The following DNAJB12 variants were observed in gnomAD, a reference collection of about 807,000 sequenced individuals.
DNAJB12 encodes the protein dnaJ homolog subfamily B member 12.
DNAJB12 carries 14 observed loss-of-function variants against 40.6 expected under a neutral mutation model. The observed-to-expected ratio is 0.34, with a 90% confidence interval of 0.23 to 0.54. The LOEUF (loss-of-function observed/expected upper bound fraction) is 0.54, where lower values mean the gene tolerates loss of function less well. Among genes scored for constraint, DNAJB12 ranks in the 20% least tolerant of loss-of-function variants. DNAJB12 has a pLI of 0.92. For synonymous variants in DNAJB12, 181 were observed against 199.5 expected (o/e 0.91, Z 0.78); for missense variants, 444 against 501.7 (o/e 0.89, Z 1.10).
chr10:72,334,758 C>T, intron 8 of DNAJB12, 141 bp from the exon 9 acceptor site: 1 of 1,401,898 alleles, frequency 7.1e-7, no homozygotes, highest in Non-Finnish European at 9.2e-7. Flanking sequence ...CACTTGCGGC[C>T]TGCCCTCCTG....
intron 1 of DNAJB12, among the ~76,000 whole-genome samples, chr10:72,347,832 G>C: frequency 6.6e-6 from 1 of 151,230 alleles, no homozygotes; most frequent in Non-Finnish European, 1.5e-5. Context: ...AGGATGGCTT[G>C]AATCTGGGAG....
At chr10:72,337,656 A>G (rs1403790473) in intron 6 of DNAJB12, among the ~76,000 whole-genome samples, 2 of 152,226 alleles carry the variant, frequency 1.3e-5, no homozygotes, top group Non-Finnish European at 2.9e-5. Flanking sequence ...CCAAGGTTAT[A>G]TAACTTGTTT....
chr10:72,343,525 A>G lies in DNAJB12; in HGVS notation c.312-14T>C. 1.2e-6 allele frequency: 2 copies of G among 1,613,848 alleles called. No individual in the cohort carries two copies. The highest frequency in any genetic ancestry group is 1.7e-6 in the Non-Finnish European group (2 of 1,179,920). The stretch of plus-strand genomic sequence containing the variant: ...CATTGCTTGACCCTGGGGAAGGAGG[A>G]GACCATGGTACGGGGTGCTCTACAT... On this transcript the variant is annotated splice_polypyrimidine_tract_variant and intron_variant, in intron 2 of 8. Transcript: ENST00000444643.
chr10:72,346,974 T>TC (rs901161650), intron 1 of DNAJB12, among the ~76,000 whole-genome samples: 1 of 152,064 alleles, frequency 6.6e-6, no homozygotes, highest in Non-Finnish European at 1.5e-5. Flanking sequence ...TTTTTTTTTT[T>TC]TCTTTTTTGA....
chr10:72,351,760 A>G (rs1417629400), intron 1 of DNAJB12, among the ~76,000 whole-genome samples: 2 of 152,224 alleles, frequency 1.3e-5, no homozygotes, highest in Admixed American at 1.3e-4. Context: ...AGCCATGCAC[A>G]ACTCCAGTGA....
chr10:72,354,653 C>G, intron 1 of DNAJB12, 112 bp downstream of exon 1: 1 of 1,043,530 alleles, frequency 9.6e-7, no homozygotes, highest in South Asian at 1.6e-5. Flanking sequence ...AGTGCGCAGG[C>G]GTAGCCGCGC....
At chr10:72,348,521 T>C (rs1019519557) in intron 1 of DNAJB12, among the ~76,000 whole-genome samples, 40 of 152,244 alleles carry the variant, frequency 2.6e-4, no homozygotes, top group African/African-American at 9.2e-4. Context: ...GAAGACGCCA[T>C]GCTGGGTGCC....
chr10:72,353,029 G>A (rs979087100), intron 1 of DNAJB12, among the ~76,000 whole-genome samples: 6 of 152,200 alleles, frequency 3.9e-5, no homozygotes, highest in Non-Finnish European at 5.9e-5. Flanking sequence ...AAGTTTACAC[G>A]GATGCATAAG....
At position 72,341,000 on chromosome 10, in the gene DNAJB12, C is replaced by T. The variant is rs777469200; in HGVS notation, c.628G>A (p.Gly210Ser). ...GGGAACTTACTAGAAGGGAAGCCGC[C>T]GCCAAAGAACATGTTGAAGAGGTCT... is the stretch of plus-strand genomic sequence containing the variant. ...PEDLFNMFFGGGFPSSNVHVY... is the reference protein window; with the variant it reads ...PEDLFNMFFGSGFPSSNVHVY... The change falls in exon 4 of 9, where the codon GGC becomes AGC. Residue 210 changes from glycine (G) to serine (S), a missense_variant. Physicochemically the swap from Gly to Ser is moderately conservative, Grantham distance 56. Coordinates refer to ENST00000444643, the MANE Select transcript of DNAJB12 (RefSeq NM_017626.7). The T allele has an allele frequency of 2.9e-5, 47 of 1,613,332 alleles. No homozygotes were observed. Among genetic ancestry groups the T allele is most frequent in the East Asian group, 4.5e-5 (2 of 44,868 alleles).
At chr10:72,346,329 A>C (rs1284731909) in intron 1 of DNAJB12, among the ~76,000 whole-genome samples, 1 of 145,890 alleles carries the variant, frequency 6.9e-6, no homozygotes, top group East Asian at 2.0e-4. Flanking sequence ...ACGCCTGGCT[A>C]ATTTTTTTTT....
chr10:72,354,431 GC>G (rs1183472047), intron 1 of DNAJB12: 6 of 299,010 alleles, frequency 2.0e-5, no homozygotes. Context: ...CTACCGAACG[GC>G]CCCTTGGGAA....
intron 1 of DNAJB12, among the ~76,000 whole-genome samples, chr10:72,347,075 C>A (rs1340345052): frequency 6.6e-6 from 1 of 152,062 alleles, no homozygotes; most frequent in Non-Finnish European, 1.5e-5. Context: ...AGCGATTCTC[C>A]CGCCTCAGCC....
Position 72,333,696 on chromosome 10 carries a change from C to G in DNAJB12, c.*952G>C, listed in dbSNP as rs924199132. 6.5e-6 allele frequency: 1 copy of G among 152,730 alleles called. No individual in the cohort carries two copies. The highest frequency in any genetic ancestry group is 2.4e-5 in the African/African-American group (1 of 41,462). The allele number at this position is 152,730 out of a possible 1,614,324, so 9.5% of individuals were successfully genotyped here. On this transcript the variant is annotated 3_prime_UTR_variant, in exon 9 of 9. Coordinates refer to ENST00000444643, the MANE Select transcript of DNAJB12 (RefSeq NM_017626.7). ...GTTAGGTAGATCCTGGCCCCCTCTG[C>G]AGGCCTTCCCTTCTGTGGGCAGGGG...
rs770569178 is a variant in DNAJB12 at position 72,334,626 on chromosome 10, G to A, written c.*31-9C>T. On this transcript the variant is annotated splice_polypyrimidine_tract_variant and intron_variant, in intron 8 of 8. Coordinates refer to ENST00000444643, the MANE Select transcript of DNAJB12 (RefSeq NM_017626.7). ...TCCAGGGATTTCATAGTCTGGGGAG[G>A]AGAGTGGCAACAGTTAGCTCGGCAT... The A allele has an allele frequency of 2.6e-6, 4 of 1,530,334 alleles. No individual in the cohort carries two copies. The South Asian group carries it at 4.8e-5, about 18-fold the overall frequency. 94.8% of individuals were successfully genotyped at this position (1,530,334 alleles called of 1,614,324 possible). A position where few individuals can be genotyped will look rare whatever the true frequency, so the allele number is the denominator to read the frequency against.
chr10:72,338,901 A>C (rs527482788), intron 5 of DNAJB12, among the ~76,000 whole-genome samples: 16 of 152,340 alleles, frequency 1.1e-4, no homozygotes, highest in African/African-American at 3.4e-4. Context: ...AGAAATAAAA[A>C]TTAACAAATA....
chr10:72,350,284 G>A (rs927796742), intron 1 of DNAJB12, among the ~76,000 whole-genome samples: 7 of 151,430 alleles, frequency 4.6e-5, no homozygotes, highest in South Asian at 2.1e-4. Context: ...CTGTGGTCCC[G>A]GCTGTTTGGT....
intron 1 of DNAJB12, among the ~76,000 whole-genome samples, chr10:72,349,264 A>T (rs1319803597): frequency 6.6e-6 from 1 of 151,610 alleles, no homozygotes; most frequent in Non-Finnish European, 1.5e-5. Flanking sequence ...TGAAGGTTCA[A>T]GGCTGATGAA....
Position 72,354,914 on chromosome 10 carries a change from G to T in DNAJB12, c.-17C>A. 6.2e-7 allele frequency: 1 copy of T among 1,613,824 alleles called. No individual in the cohort carries two copies. Among genetic ancestry groups the T allele is most frequent in the Non-Finnish European group, 8.5e-7 (1 of 1,179,828 alleles). ...GGATTCCATGGCGGAACCAGAACGCGGAACCAGGGAGGGGGAGGCCGGGCG... is the reference window on the plus strand; with the variant it reads ...GGATTCCATGGCGGAACCAGAACGCTGAACCAGGGAGGGGGAGGCCGGGCG... On this transcript the variant is annotated 5_prime_UTR_variant, in exon 1 of 9. Transcript: ENST00000444643.
At chr10:72,353,919 T>G (rs939981695) in intron 1 of DNAJB12, 3 of 152,198 alleles carry the variant, frequency 2.0e-5, no homozygotes, top group Non-Finnish European at 4.4e-5. Context: ...TAGCGTGGAT[T>G]AAGAAAAACT....
Sources: gnomAD v4.1 joint callset for allele counts (sites outside exome capture counted in the v4.1 genomes callset) on GRCh38, gnomAD v4.1.1 for gene constraint, MANE v1.5 for transcripts, NCBI Gene and HGNC (gene_info 2026-07-23, HGNC 2026-07-21) for gene names.